The following POLK variants were observed in gnomAD, a reference collection of about 807,000 sequenced individuals.
The protein encoded by POLK is DNA polymerase kappa.
Under a neutral mutation model 94.0 loss-of-function variants are expected in POLK, and 76 were observed. The ratio of observed to expected loss-of-function variants is 0.81; its 90% CI spans 0.67 to 0.98. POLK has a LOEUF of 0.98. POLK is among the 50% of genes least tolerant of loss of function. The pLI is 0.00. For missense variants in POLK, 954 were observed against 1,010.1 expected (o/e 0.94, Z 0.75); for synonymous variants, 349 against 325.4 (o/e 1.07, Z -0.78).
At chr5:75,515,480 T>C (rs944624141) in intron 1 of POLK, among the ~76,000 whole-genome samples, 1 of 152,212 alleles carries the variant, frequency 6.6e-6, no homozygotes, top group Non-Finnish European at 1.5e-5. Context: ...CTAAATTCCA[T>C]TGTGTATATA....
chr5:75,546,325 ATCT>A (rs1427033235), intron 1 of POLK, among the ~76,000 whole-genome samples: 2 of 152,198 alleles, frequency 1.3e-5, no homozygotes, highest in Admixed American at 6.5e-5. Context: ...GATCATAAAG[ATCT>A]TCATCTTGTC....
chr5:75,599,694 T>G (rs1773252383), exon 15 of POLK: 1 of 152,220 alleles, frequency 6.6e-6, no homozygotes, highest in Non-Finnish European at 1.5e-5. Context: ...GCCTTAGGTT[T>G]ATTTTTATTA....
At chr5:75,594,374 G>A (rs926245356) in intron 12 of POLK, among the ~76,000 whole-genome samples, 6 of 152,146 alleles carry the variant, frequency 3.9e-5, no homozygotes, top group East Asian at 1.9e-4. Context: ...ACCTGTTTAC[G>A]AAGTTCTTCC....
intron 1 of POLK, chr5:75,534,898 A>T (rs1233458579): frequency 1.3e-5 from 2 of 152,216 alleles, no homozygotes; most frequent in Admixed American, 6.5e-5. Flanking sequence ...TGAAGACAGC[A>T]TACCATTGGA....
chr5:75,559,665 T>C (rs1770869898), intron 3 of POLK, among the ~76,000 whole-genome samples: 1 of 151,074 alleles, frequency 6.6e-6, no homozygotes, highest in South Asian at 2.1e-4. Context: ...GCCTCCCAAG[T>C]AGTGGGGGGA....
At chr5:75,606,437 C>G in the POLK span, among the ~76,000 whole-genome samples, 1 of 54,674 alleles carries the variant, frequency 1.8e-5, no homozygotes, top group African/African-American at 7.7e-5. Flanking sequence ...GGCCATATTT[C>G]AGACTATCAC....
chr5:75,512,530 A>G (rs1768095231), intron 1 of POLK: 1 of 152,236 alleles, frequency 6.6e-6, no homozygotes, highest in Non-Finnish European at 1.5e-5. Context: ...TTCTCGTATT[A>G]GAAATACCGA....
chr5:75,594,892 C>T (rs1561412257), intron 12 of POLK, among the ~76,000 whole-genome samples: 2 of 152,116 alleles, frequency 1.3e-5, no homozygotes, highest in Non-Finnish European at 2.9e-5. Context: ...AGGAGTGGGT[C>T]ACTAGCCATA....
chr5:75,570,915 A>G (rs1771555272), intron 4 of POLK, among the ~76,000 whole-genome samples: 3 of 152,144 alleles, frequency 2.0e-5, no homozygotes, highest in Non-Finnish European at 4.4e-5. Flanking sequence ...TCTGATTCCA[A>G]AACACTGTTT....
At chr5:75,532,532 C>T (rs557014999) in intron 1 of POLK, among the ~76,000 whole-genome samples, 9 of 151,824 alleles carry the variant, frequency 5.9e-5, no homozygotes, top group Admixed American at 1.3e-4. Flanking sequence ...TTGTGAATAG[C>T]GCTGCAATGA....
At chr5:75,601,627 G>T (rs769036006), downstream of POLK, among the ~76,000 whole-genome samples, 46 of 152,156 alleles carry the variant, frequency 3.0e-4, no homozygotes, top group Non-Finnish European at 5.4e-4. Flanking sequence ...TCTTTCTCCT[G>T]TGCTGCATGT....
chr5:75,570,081 C>T (rs1208947702), intron 4 of POLK, among the ~76,000 whole-genome samples: 1 of 152,154 alleles, frequency 6.6e-6, no homozygotes, highest in Non-Finnish European at 1.5e-5. Flanking sequence ...ATGTGACGTG[C>T]TTGAATCATC....
chr5:75,517,843 A>C (rs1225612028), intron 1 of POLK, among the ~76,000 whole-genome samples: 1 of 152,186 alleles, frequency 6.6e-6, no homozygotes, highest in Non-Finnish European at 1.5e-5. Flanking sequence ...GGTTTTTATC[A>C]TAAAGAGATG....
intron 1 of POLK, among the ~76,000 whole-genome samples, chr5:75,533,324 C>T (rs1769273158): frequency 6.6e-6 from 1 of 152,128 alleles, no homozygotes; most frequent in Non-Finnish European, 1.5e-5. Context: ...TATCTCAGCA[C>T]CATTTATTGA....
chr5:75,511,906 A>C (rs1768034879), exon 1 of POLK: 1 of 1,341,618 alleles, frequency 7.5e-7, no homozygotes, highest in Admixed American at 2.3e-5. Context: ...CGCGATCCTG[A>C]GGTAACGGGT....
At chr5:75,553,824 A>G (rs1269628000) in intron 3 of POLK, among the ~76,000 whole-genome samples, 1 of 152,182 alleles carries the variant, frequency 6.6e-6, no homozygotes, top group Non-Finnish European at 1.5e-5. Context: ...TATATACACT[A>G]AGTTGCTAGC....
At chr5:75,590,530 T>A (rs1270179638) in intron 11 of POLK, 90 bp downstream of exon 11, 1 of 754,654 alleles carries the variant, frequency 1.3e-6, no homozygotes, top group African/African-American at 1.7e-5. Context: ...ACACATTTCT[T>A]AAAGATGAAT....
At chr5:75,522,122 C>G (rs149083607) in intron 1 of POLK, among the ~76,000 whole-genome samples, 416 of 152,312 alleles carry the variant, frequency 2.7e-3, no homozygotes, top group Admixed American at 4.5e-3. Context: ...ATGATGCTTC[C>G]CATGGATTGG....
upstream of POLK, chr5:75,511,705 C>A: frequency 1.3e-6 from 2 of 1,544,468 alleles, no homozygotes; most frequent in Admixed American, 2.0e-5. Context: ...CCGTCCCCCT[C>A]CCGGCGTCTG....
Sources: gnomAD v4.1 joint callset for allele counts (sites outside exome capture counted in the v4.1 genomes callset) on GRCh38, gnomAD v4.1.1 for gene constraint, MANE v1.5 for transcripts, NCBI Gene and HGNC (gene_info 2026-07-23, HGNC 2026-07-21) for gene names.